The following SMAGP variants were observed in gnomAD, a reference collection of about 807,000 sequenced individuals.
SMAGP encodes the protein small cell transmembrane and glycosylated protein.
Under a neutral mutation model 10.1 loss-of-function variants are expected in SMAGP, and 7 were observed. The ratio of observed to expected loss-of-function variants is 0.70; its 90% CI spans 0.40 to 1.31. SMAGP has a LOEUF of 1.31. Among genes scored for constraint, SMAGP ranks in the 50% most tolerant of loss-of-function variants. The pLI, the probability that SMAGP is intolerant of heterozygous loss-of-function variation, is 0.01. For missense variants in SMAGP, 113 were observed against 116.5 expected (o/e 0.97, Z 0.14); for synonymous variants, 49 against 47.2 (o/e 1.04, Z -0.16).
In SMAGP at chr12:51,245,470, T is replaced by G. The variant is rs1033188839; in HGVS notation, c.*471A>C. On this transcript the variant is annotated 3_prime_UTR_variant, in exon 4 of 4. Coordinates refer to ENST00000603798, the MANE Select transcript of SMAGP (RefSeq NM_001031628.2). ...GTAGCACATTTATCAGGAGGTAAGATCTCCATAGTCTCCTACCCCTCCTGG... is the reference window on the plus strand; with the variant it reads ...GTAGCACATTTATCAGGAGGTAAGAGCTCCATAGTCTCCTACCCCTCCTGG... 2 of 153,756 alleles carry G rather than the reference T, an allele frequency of 1.3e-5. No homozygotes were observed. Among genetic ancestry groups the G allele is most frequent in the Admixed American group, 1.3e-4 (2 of 15,430 alleles). 9.5% of individuals were successfully genotyped at this position (153,756 alleles called of 1,614,324 possible). A position where few individuals can be genotyped will look rare whatever the true frequency, so the allele number is the denominator to read the frequency against.
chr12:51,269,476 G>A, intron 1 of SMAGP, 160 bp from the exon 2 acceptor site: 2 of 600,592 alleles, frequency 3.3e-6, no homozygotes, highest in South Asian at 1.9e-5. Context: ...TCAGGCTCCA[G>A]GTACCAACAG....
At chr12:51,257,989 C>A (rs1944900725) in intron 2 of SMAGP, among the ~76,000 whole-genome samples, 1 of 151,432 alleles carries the variant, frequency 6.6e-6, no homozygotes, top group South Asian at 2.1e-4. Context: ...TCCATCTCTA[C>A]AAAAAAAATA....
chr12:51,253,897 C>G (rs1944863784), intron 2 of SMAGP, among the ~76,000 whole-genome samples: 1 of 152,130 alleles, frequency 6.6e-6, no homozygotes, highest in Non-Finnish European at 1.5e-5. Flanking sequence ...AAGAGCGAGA[C>G]TCTGTCTCAA....
intron 2 of SMAGP, among the ~76,000 whole-genome samples, chr12:51,266,343 G>A (rs763543507): frequency 3.9e-5 from 6 of 151,912 alleles, no homozygotes; most frequent in East Asian, 1.9e-4. Context: ...GTACCACAGC[G>A]CTTGTGTTCA....
intron 2 of SMAGP, among the ~76,000 whole-genome samples, chr12:51,247,596 A>T (rs1197749846): frequency 6.6e-6 from 1 of 152,196 alleles, no homozygotes; most frequent in African/African-American, 2.4e-5. Context: ...AAGTGTTTAC[A>T]CAGGAAGTCA....
At position 51,269,222 on chromosome 12, in the gene SMAGP, G is replaced by T. The variant is rs766864709; in HGVS notation, c.34+23C>A. The T allele has an allele frequency of 7.4e-6, 12 of 1,613,584 alleles. No homozygotes were observed. In the South Asian group the frequency reaches 1.3e-4, roughly 18 times the overall value. Reference sequence around the variant, plus strand: ...ATGTTGAACAATTCTTTCTCACTGGGATTAGGAAAGGCCTTCACCTACCTC... The same window carrying T: ...ATGTTGAACAATTCTTTCTCACTGGTATTAGGAAAGGCCTTCACCTACCTC... On this transcript the variant is annotated intron_variant, in intron 2 of 3. Transcript: ENST00000603798.
In SMAGP at chr12:51,246,029, T is replaced by C. The variant is rs1374435271; in HGVS notation, c.206A>G (p.Tyr69Cys). 3 of 1,613,986 alleles carry C rather than the reference T, an allele frequency of 1.9e-6. No homozygotes were observed. The highest frequency in any genetic ancestry group is 4.5e-5 in the East Asian group (2 of 44,888). Residue 69 changes from tyrosine to cysteine, a missense_variant, in exon 4 of 4, where the codon TAT becomes TGT. Tyr to Cys is a radical substitution (Grantham distance 194). Coordinates refer to ENST00000603798, the MANE Select transcript of SMAGP (RefSeq NM_001031628.2). Reference protein sequence around the residue: ...LYKNKGSYVTYEPTEGEPSAI... With the variant: ...LYKNKGSYVTCEPTEGEPSAI... ...ACTGGGCTCACCTTCTGTAGGTTCATAGGTGACGTAGCTGCCTTTGTTCTT... is the reference window on the plus strand; with the variant it reads ...ACTGGGCTCACCTTCTGTAGGTTCACAGGTGACGTAGCTGCCTTTGTTCTT...
intron 1 of SMAGP, 76 bp from the exon 2 acceptor site, chr12:51,269,392 G>T: frequency 8.6e-7 from 1 of 1,163,172 alleles, no homozygotes; most frequent in South Asian, 1.3e-5. Context: ...TCCCAGGAAA[G>T]CCTCTGGTGC....
intron 2 of SMAGP, among the ~76,000 whole-genome samples, chr12:51,252,949 G>A (rs1171064925): frequency 6.6e-6 from 1 of 152,122 alleles, no homozygotes; most frequent in African/African-American, 2.4e-5. Flanking sequence ...AGATATGACA[G>A]CCAAAGGCAC....
chr12:51,258,998 A>AC (rs1944910214), intron 2 of SMAGP, among the ~76,000 whole-genome samples: 1 of 145,766 alleles, frequency 6.9e-6, no homozygotes, highest in African/African-American at 2.7e-5. Context: ...AAAAAAAAAA[A>AC]AAAAAAAAAA....
intron 2 of SMAGP, among the ~76,000 whole-genome samples, chr12:51,267,160 T>G (rs1171229408): frequency 6.6e-6 from 1 of 152,112 alleles, no homozygotes; most frequent in East Asian, 1.9e-4. Context: ...CAGCTCCCCC[T>G]TGCCAAGGTT....
chr12:51,270,384 AGCCGCGGGTG>A lies in SMAGP; in HGVS notation c.-177_-168del. On this transcript the variant is annotated 5_prime_UTR_variant, in exon 1 of 4. Transcript: ENST00000603798. ...CCGAACGAGGACCCCGAGCGGAGGA[AGCCGCGGGTG>A]GCGCGCGGGGTTGGCGCAGAGGCCG... 4.8e-6 allele frequency: 1 copy of A among 210,218 alleles called. No individual in the cohort carries two copies. Among genetic ancestry groups the A allele is most frequent in the Non-Finnish European group, 9.4e-6 (1 of 106,314 alleles). The allele number at this position is 210,218 out of a possible 1,614,324, so 13.0% of individuals were successfully genotyped here. A position where few individuals can be genotyped will look rare whatever the true frequency, so the allele number is the denominator to read the frequency against.
In SMAGP at chr12:51,245,044, G is replaced by T. The variant is rs1049034262; in HGVS notation, c.*897C>A. 10 of 151,796 alleles carry T rather than the reference G, an allele frequency of 6.6e-5. No individual in the cohort carries two copies. The highest frequency in any genetic ancestry group is 1.9e-4 in the African/African-American group (8 of 41,328). The allele number at this position is 151,796 out of a possible 1,614,324, so 9.4% of individuals were successfully genotyped here. A position where few individuals can be genotyped will look rare whatever the true frequency, so the allele number is the denominator to read the frequency against. Reference sequence around the variant, plus strand: ...GGGTTTCACCGTGTTAGCCAGGATGGTCTCGATCTCCTAACCTTGTGATCC... The same window carrying T: ...GGGTTTCACCGTGTTAGCCAGGATGTTCTCGATCTCCTAACCTTGTGATCC... On this transcript the variant is annotated 3_prime_UTR_variant, in exon 4 of 4. Coordinates refer to ENST00000603798, the MANE Select transcript of SMAGP (RefSeq NM_001031628.2).
At chr12:51,246,305 T>G in intron 3 of SMAGP, 186 bp from the exon 4 acceptor site, 1 of 787,058 alleles carries the variant, frequency 1.3e-6, no homozygotes, top group South Asian at 2.1e-5. Flanking sequence ...ATAGCTGGAG[T>G]CTCCTGGTGC....
At chr12:51,259,769 A>G (rs1238237410) in intron 2 of SMAGP, among the ~76,000 whole-genome samples, 2 of 151,962 alleles carry the variant, frequency 1.3e-5, no homozygotes, top group African/African-American at 4.8e-5. Context: ...GCTGGAATGC[A>G]GTGATGCAAT....
rs1413640610 is a variant in SMAGP, at chr12:51,270,389, C to G, written c.-172G>C. The stretch of plus-strand genomic sequence containing the variant: ...CGAGGACCCCGAGCGGAGGAAGCCG[C>G]GGGTGGCGCGCGGGGTTGGCGCAGA... On this transcript the variant is annotated 5_prime_UTR_variant, in exon 1 of 4. Transcript: ENST00000603798. 4.5e-6 allele frequency: 1 copy of G among 220,650 alleles called. No homozygotes were observed. Among genetic ancestry groups the G allele is most frequent in the Non-Finnish European group, 8.8e-6 (1 of 113,222 alleles). The allele number at this position is 220,650 out of a possible 1,614,324, so 13.7% of individuals were successfully genotyped here. A position where few individuals can be genotyped will look rare whatever the true frequency, so the allele number is the denominator to read the frequency against.
Position 51,269,288 on chromosome 12 carries a change from T to C in SMAGP, c.-10A>G, listed in dbSNP as rs760727230. 6.2e-7 allele frequency: 1 copy of C among 1,613,830 alleles called. No individual in the cohort carries two copies. The highest frequency in any genetic ancestry group is 8.5e-7 in the Non-Finnish European group (1 of 1,179,812). ...TCAGGAGGCTGGTCATTGTCACTAGTGGTTGAGTTTCTTGGAGAAGAGGCA... is the reference window on the plus strand; with the variant it reads ...TCAGGAGGCTGGTCATTGTCACTAGCGGTTGAGTTTCTTGGAGAAGAGGCA... On this transcript the variant is annotated 5_prime_UTR_variant, in exon 2 of 4. Coordinates refer to ENST00000603798, the MANE Select transcript of SMAGP (RefSeq NM_001031628.2).
At chr12:51,248,434 ACTCTCTCTCTCTCTCTCTCTCT>A (rs56012746) in intron 2 of SMAGP, among the ~76,000 whole-genome samples, 35 of 77,466 alleles carry the variant, frequency 4.5e-4, no homozygotes, top group African/African-American at 1.5e-3. Context: ...ACACACACAC[ACTCTCTCTCTCTCTCTCTCTCT>A]CTCTCTCTCT....
At chr12:51,269,212 T>A in intron 2 of SMAGP, 33 bp downstream of exon 2, 1 of 1,613,262 alleles carries the variant, frequency 6.2e-7, no homozygotes. Flanking sequence ...GAACAATTCT[T>A]TCTCACTGGG....
Sources: gnomAD v4.1 joint callset for allele counts (sites outside exome capture counted in the v4.1 genomes callset) on GRCh38, gnomAD v4.1.1 for gene constraint, MANE v1.5 for transcripts, NCBI Gene and HGNC (gene_info 2026-07-23, HGNC 2026-07-21) for gene names.